The following GPR176 variants were observed in gnomAD, a reference collection of about 807,000 sequenced individuals.
GPR176 encodes G protein-coupled receptor 176.
In GPR176, 26 loss-of-function variants were observed where a neutral mutation model predicts 35.4. The observed-to-expected ratio is 0.74, with a 90% CI of 0.54 to 1.02. GPR176 has a LOEUF of 1.02. GPR176 is among the 50% of genes least tolerant of loss of function. The pLI, the probability that GPR176 is intolerant of heterozygous loss-of-function variation, is 0.00. For missense variants in GPR176, 597 were observed against 665.3 expected, an observed-to-expected ratio of 0.90 and a Z score of 1.13; for synonymous variants, 278 against 271.3, an observed-to-expected ratio of 1.02 and a Z score of -0.24.
chr15:39,895,369 A>C (rs2033083230), intron 1 of GPR176, among the ~76,000 whole-genome samples: 1 of 152,182 alleles, frequency 6.6e-6, no homozygotes, highest in Non-Finnish European at 1.5e-5. Flanking sequence ...ACTGAAACAC[A>C]CATTGAATTC....
intron 1 of GPR176, among the ~76,000 whole-genome samples, chr15:39,827,640 AC>A (rs1319056643): frequency 6.6e-6 from 1 of 152,160 alleles, no homozygotes; most frequent in Non-Finnish European, 1.5e-5. Flanking sequence ...TTTTTATTTT[AC>A]AGTGGACAGG....
At chr15:39,820,754 C>G (rs1356983866) in intron 1 of GPR176, among the ~76,000 whole-genome samples, 1 of 152,140 alleles carries the variant, frequency 6.6e-6, no homozygotes, top group Non-Finnish European at 1.5e-5. Flanking sequence ...GAAAGCAAAT[C>G]CTAATACTTG....
At chr15:39,894,675 A>G (rs1363999375) in intron 1 of GPR176, 1 of 173,826 alleles carries the variant, frequency 5.8e-6, no homozygotes, top group African/African-American at 2.4e-5. Flanking sequence ...GGCCGGGAAG[A>G]GGTGCTCCTC....
At chr15:39,821,196 A>C (rs1900250488) in intron 1 of GPR176, among the ~76,000 whole-genome samples, 1 of 152,150 alleles carries the variant, frequency 6.6e-6, no homozygotes, top group African/African-American at 2.4e-5. Context: ...AAAATAATGC[A>C]ATTTTGAAAA....
chr15:39,815,594 C>T lies in GPR176; in HGVS notation c.173-8336G>A, dbSNP rs150572006. ...TTTCCAAGAATGTTCAACCTTGACT[C>T]AAAGCAAACATGAAACATCTCAGAT... is the stretch of plus-strand genomic sequence containing the variant. On this transcript the variant is annotated intron_variant, in intron 1 of 2. Transcript: ENST00000561100. 2.9e-3 allele frequency among the ~76,000 whole-genome samples: 440 copies of T among 152,304 alleles called. 3 individuals carry two copies. Among genetic ancestry groups the T allele is most frequent in the African/African-American group, 1.0e-2 (415 of 41,564 alleles).
chr15:39,805,635 T>C (rs1899142984), intron 2 of GPR176, among the ~76,000 whole-genome samples: 1 of 152,170 alleles, frequency 6.6e-6, no homozygotes, highest in South Asian at 2.1e-4. Flanking sequence ...CCTGCCTTGT[T>C]TGGCTCCATG....
intron 1 of GPR176, among the ~76,000 whole-genome samples, chr15:39,847,213 T>TA (rs2030493250): frequency 1.3e-5 from 2 of 150,310 alleles, no homozygotes; most frequent in Middle Eastern, 3.4e-3. Context: ...GAAAAATAAA[T>TA]AAAAAGCTGA....
intron 1 of GPR176, among the ~76,000 whole-genome samples, chr15:39,914,080 C>T (rs1274513290): frequency 6.6e-6 from 1 of 152,052 alleles, no homozygotes; most frequent in Non-Finnish European, 1.5e-5. Context: ...AAAAACACCA[C>T]TGAGTTGTAC....
chr15:39,904,386 A>T (rs1287910756), intron 1 of GPR176, among the ~76,000 whole-genome samples: 1 of 152,218 alleles, frequency 6.6e-6, no homozygotes, highest in Non-Finnish European at 1.5e-5. Flanking sequence ...TATAATAGAT[A>T]TAAAGTAAGA....
intron 1 of GPR176, among the ~76,000 whole-genome samples, chr15:39,861,629 CTT>C (rs1426469697): frequency 6.6e-6 from 1 of 151,868 alleles, no homozygotes; most frequent in African/African-American, 2.4e-5. Context: ...ATAAATCTTT[CTT>C]TTTTGTTCAG....
chr15:39,896,899 G>A (rs1282005330), intron 1 of GPR176, among the ~76,000 whole-genome samples: 3 of 152,254 alleles, frequency 2.0e-5, no homozygotes, highest in Non-Finnish European at 2.9e-5. Context: ...ATAGATTTGT[G>A]TGACCAAGTA....
rs1051532616 is a variant in GPR176, at chr15:39,918,672, C to A, written c.172+1183G>T. On this transcript the variant is annotated intron_variant, in intron 1 of 2. Transcript: ENST00000561100. ...ATAAAAACACATCTTAAAACACACA[C>A]ACACACACACACCCCTAGATATAGC... Among the ~76,000 whole-genome samples, 40 of 152,078 alleles carry A rather than the reference C, an allele frequency of 2.6e-4. 1 individual carries two copies. The highest frequency in any genetic ancestry group is 2.6e-4 in the Admixed American group (4 of 15,270).
At chr15:39,880,533 G>C (rs1464374391) in intron 1 of GPR176, among the ~76,000 whole-genome samples, 1 of 152,090 alleles carries the variant, frequency 6.6e-6, no homozygotes, top group East Asian at 1.9e-4. Context: ...TAGATTCTTA[G>C]ATCAAATTGG....
chr15:39,878,493 T>TGTGTGTGTGTA (rs1555408607), intron 1 of GPR176, among the ~76,000 whole-genome samples: 12 of 152,176 alleles, frequency 7.9e-5, no homozygotes, highest in African/African-American at 2.9e-4. Context: ...TGTGTGTGTG[T>TGTGTGTGTGTA]GTGTGTATCA....
intron 1 of GPR176, among the ~76,000 whole-genome samples, chr15:39,816,613 T>C (rs1409150452): frequency 1.3e-5 from 2 of 152,222 alleles, no homozygotes; most frequent in Non-Finnish European, 2.9e-5. Flanking sequence ...GCTGATAGTG[T>C]TTTAAATCCA....
chr15:39,821,666 C>T (rs1267576150), intron 1 of GPR176, among the ~76,000 whole-genome samples: 1 of 152,156 alleles, frequency 6.6e-6, no homozygotes, highest in African/African-American at 2.4e-5. Flanking sequence ...AGAAGGTAAT[C>T]TACAACACCA....
At chr15:39,864,183 T>TC (rs1341712906) in intron 1 of GPR176, among the ~76,000 whole-genome samples, 1 of 152,146 alleles carries the variant, frequency 6.6e-6, no homozygotes, top group East Asian at 1.9e-4. Flanking sequence ...GGTACTCAGA[T>TC]CCCCTACTCC....
intron 1 of GPR176, among the ~76,000 whole-genome samples, chr15:39,808,884 C>T (rs1415946753): frequency 1.3e-5 from 2 of 152,176 alleles, no homozygotes; most frequent in Non-Finnish European, 2.9e-5. Flanking sequence ...ACCAGATATA[C>T]TGAATCACAG....
chr15:39,860,305 A>G (rs2031509245), intron 1 of GPR176, among the ~76,000 whole-genome samples: 1 of 152,256 alleles, frequency 6.6e-6, no homozygotes. Flanking sequence ...GCCAAGAAAC[A>G]GCTTCTCTAG....
Sources: allele counts gnomAD v4.1 joint callset (sites outside exome capture counted in the v4.1 genomes callset), GRCh38; gene constraint gnomAD v4.1.1; transcripts MANE v1.5; gene names NCBI Gene and HGNC (gene_info 2026-07-23, HGNC 2026-07-21).